ENPP6: variants seen among roughly 807,000 people sequenced by gnomAD.
ENPP6 encodes glycerophosphocholine cholinephosphodiesterase ENPP6.
ENPP6 carries 32 observed loss-of-function variants against 42.0 expected under a neutral mutation model. That is an observed-to-expected ratio of 0.76 (90% CI 0.58 to 1.02). The LOEUF is 1.02. Ranked by LOEUF, ENPP6 falls within the 50% of genes least tolerant of loss-of-function variation. The probability of loss-of-function intolerance (pLI) is 0.00; values close to 1 mark genes in which losing one functional copy is unlikely to be tolerated. For synonymous variants in ENPP6, 213 were observed against 216.0 expected, an observed-to-expected ratio of 0.99 and a Z score of 0.12; for missense variants, 552 against 566.8, an observed-to-expected ratio of 0.97 and a Z score of 0.27.
chr4:184,162,925 A>T (rs1196911460), intron 1 of ENPP6, among the ~76,000 whole-genome samples: 1 of 152,044 alleles, frequency 6.6e-6, no homozygotes, highest in African/African-American at 2.4e-5. Flanking sequence ...GCAGCGTGCC[A>T]TTACCACCCA....
At chr4:184,132,979 C>T (rs190817258) in intron 2 of ENPP6, among the ~76,000 whole-genome samples, 4 of 151,956 alleles carry the variant, frequency 2.6e-5, no homozygotes, top group African/African-American at 9.7e-5. Flanking sequence ...GAATTTCTGA[C>T]CTTTACCCTT....
intron 3 of ENPP6, 81 bp downstream of exon 3, chr4:184,124,080 C>T (rs1736461578): frequency 3.7e-6 from 4 of 1,077,606 alleles, no homozygotes; most frequent in Non-Finnish European, 5.6e-6. Context: ...CTCCACAAAG[C>T]CCTCTTAATT....
rs551138933 is a variant in ENPP6, at chr4:184,151,309, G to A, written c.421+2245C>T. On this transcript the variant is annotated intron_variant, in intron 2 of 7. Transcript: ENST00000296741. ...GCAGAGGTCATGCCACTGCACTCCA[G>A]CCTGGGCAACAAGAGTGAAACTCTG... 3.9e-5 allele frequency among the ~76,000 whole-genome samples: 6 copies of A among 152,356 alleles called. No individual in the cohort carries two copies. In the East Asian group the frequency reaches 9.6e-4, roughly 24 times the overall value.
intron 6 of ENPP6, among the ~76,000 whole-genome samples, chr4:184,102,347 C>T (rs1736018910): frequency 6.6e-6 from 1 of 152,160 alleles, no homozygotes; most frequent in African/African-American, 2.4e-5. Context: ...GCGAGGAGCA[C>T]TGAGTGGTCC....
chr4:184,206,077 T>C (rs896895040), intron 1 of ENPP6, among the ~76,000 whole-genome samples: 8 of 151,790 alleles, frequency 5.3e-5, no homozygotes, highest in Admixed American at 1.3e-4. Flanking sequence ...CGAACAGAGA[T>C]CATTTATTTC....
chr4:184,158,860 A>G (rs1737216554), intron 1 of ENPP6, among the ~76,000 whole-genome samples: 1 of 152,184 alleles, frequency 6.6e-6, no homozygotes, highest in Non-Finnish European at 1.5e-5. Flanking sequence ...TAAATTCACC[A>G]TCACTAAGGT....
At chr4:184,213,482 T>C (rs1733149107) in intron 1 of ENPP6, among the ~76,000 whole-genome samples, 1 of 151,926 alleles carries the variant, frequency 6.6e-6, no homozygotes, top group South Asian at 2.1e-4. Flanking sequence ...AAAAAACACA[T>C]GAAAAAATGC....
intron 1 of ENPP6, among the ~76,000 whole-genome samples, chr4:184,204,921 C>T (rs1031980073): frequency 4.6e-5 from 7 of 152,024 alleles, no homozygotes; most frequent in African/African-American, 1.7e-4. Context: ...CATTATAATG[C>T]TTTTTCGCTA....
chr4:184,201,762 C>A (rs1223873097), intron 1 of ENPP6, among the ~76,000 whole-genome samples: 1 of 151,228 alleles, frequency 6.6e-6, no homozygotes, highest in African/African-American at 2.4e-5. Flanking sequence ...CAGGGCATGG[C>A]TGGTTAGTAG....
intron 6 of ENPP6, among the ~76,000 whole-genome samples, chr4:184,098,998 G>A (rs1043714367): frequency 8.5e-5 from 13 of 152,176 alleles, no homozygotes; most frequent in South Asian, 2.1e-4. Context: ...CAAGCAGTTC[G>A]CCATAAGCTG....
At chr4:184,098,898 T>C (rs1735954332) in intron 6 of ENPP6, among the ~76,000 whole-genome samples, 1 of 152,214 alleles carries the variant, frequency 6.6e-6, no homozygotes, top group Non-Finnish European at 1.5e-5. Flanking sequence ...TAGAATTTGC[T>C]GGTCGTGATG....
rs893113411 is a variant in ENPP6, at chr4:184,184,932, A to G, written c.242-31199T>C. 9.2e-5 allele frequency among the ~76,000 whole-genome samples: 14 copies of G among 152,176 alleles called. No individual in the cohort carries two copies. The highest frequency in any genetic ancestry group is 2.9e-4 in the African/African-American group (12 of 41,438). ...CAGCAGCCCTAGGGAGCTGACACAA[A>G]GGCTGCGAGACAGGAGGAATGGGAG... On this transcript the variant is annotated intron_variant, in intron 1 of 7. Transcript: ENST00000296741. The surrounding 1 kb of genome is among the most constrained non-coding windows in gnomAD (Gnocchi z 4.7).
chr4:184,174,525 G>C (rs1007967281), intron 1 of ENPP6, among the ~76,000 whole-genome samples: 1 of 104,584 alleles, frequency 9.6e-6, no homozygotes, highest in African/African-American at 3.1e-5. Flanking sequence ...GTGCTGTGAG[G>C]GTTCCAGAAT....
At chr4:184,206,216 CAG>C (rs1475965927) in intron 1 of ENPP6, among the ~76,000 whole-genome samples, 5 of 149,358 alleles carry the variant, frequency 3.3e-5, no homozygotes, top group African/African-American at 9.9e-5. Flanking sequence ...TGTGCGTATG[CAG>C]AGTCTGTGAA....
At chr4:184,150,771 A>C (rs1022004427) in intron 2 of ENPP6, among the ~76,000 whole-genome samples, 1 of 152,254 alleles carries the variant, frequency 6.6e-6, no homozygotes, top group Non-Finnish European at 1.5e-5. Context: ...AGACTTCAGC[A>C]CAGCCAGATC....
intron 5 of ENPP6, among the ~76,000 whole-genome samples, chr4:184,114,569 T>G (rs1314839962): frequency 6.6e-6 from 1 of 152,156 alleles, no homozygotes; most frequent in Non-Finnish European, 1.5e-5. Context: ...CAAACTGTTG[T>G]GTCCGTCACA....
intron 1 of ENPP6, among the ~76,000 whole-genome samples, chr4:184,212,871 G>A (rs978073147): frequency 3.3e-5 from 5 of 152,014 alleles, no homozygotes; most frequent in African/African-American, 1.2e-4. Context: ...AAACAGCATG[G>A]TACTGGTACC....
Position 184,124,930 on chromosome 4 carries a change from C to T in ENPP6, c.422-658G>A, listed in dbSNP as rs141159012. 9.2e-5 allele frequency among the ~76,000 whole-genome samples: 14 copies of T among 152,280 alleles called. No homozygotes were observed. The East Asian group carries it at 2.5e-3, about 27-fold the overall frequency. ...GGACAAGTAGAAGTAGTTGCTCTGCCGAGAAACACCCATCCATATTAGGGA... is the reference window on the plus strand; with the variant it reads ...GGACAAGTAGAAGTAGTTGCTCTGCTGAGAAACACCCATCCATATTAGGGA... On this transcript the variant is annotated intron_variant, in intron 2 of 7. Coordinates refer to ENST00000296741, the MANE Select transcript of ENPP6 (RefSeq NM_153343.4).
At chr4:184,200,289 A>G (rs1361019362) in intron 1 of ENPP6, among the ~76,000 whole-genome samples, 1 of 152,154 alleles carries the variant, frequency 6.6e-6, no homozygotes, top group Non-Finnish European at 1.5e-5. Context: ...GGACGTCCGG[A>G]CCCACTCGGC....
Sources: gnomAD v4.1 joint callset for allele counts (sites outside exome capture counted in the v4.1 genomes callset) on GRCh38, gnomAD v4.1.1 for gene constraint, Gnocchi (gnomAD v3.1) non-coding constraint, MANE v1.5 for transcripts, NCBI Gene and HGNC (gene_info 2026-07-23, HGNC 2026-07-21) for gene names.